RBFOX1: variants seen among roughly 807,000 people sequenced by gnomAD.
RBFOX1 encodes RNA binding fox-1 homolog 1.
A neutral mutation model predicts 57.7 loss-of-function variants in RBFOX1; 8 were observed. That is an observed-to-expected ratio of 0.14 (90% CI 0.08 to 0.25). The LOEUF is 0.25. RBFOX1 is among the 10% of genes least tolerant of loss of function. The pLI is 1.00. For synonymous variants in RBFOX1, 326 were observed against 222.4 expected (o/e 1.47, Z -4.15); for missense variants, 611 against 548.5 (o/e 1.11, Z -1.14).
intron 4 of RBFOX1, among the ~76,000 whole-genome samples, chr16:7,080,127 G>A (rs924031880): frequency 4.7e-5 from 7 of 148,134 alleles, no homozygotes; most frequent in Non-Finnish European, 7.4e-5. Context: ...AAAAAGACTA[G>A]TATACTTTAC....
intron 4 of RBFOX1, among the ~76,000 whole-genome samples, chr16:7,258,820 T>C (rs1357998779): frequency 3.3e-5 from 5 of 152,286 alleles, no homozygotes; most frequent in Non-Finnish European, 7.4e-5. Flanking sequence ...TGTCATTTCA[T>C]GCTTTGAATT....
chr16:6,465,819 C>G (rs953629346), intron 2 of RBFOX1, among the ~76,000 whole-genome samples: 2 of 148,426 alleles, frequency 1.3e-5, no homozygotes, highest in Non-Finnish European at 3.0e-5. Flanking sequence ...TTGATTTAGG[C>G]TACAGTTTAC....
intron 2 of RBFOX1, among the ~76,000 whole-genome samples, chr16:5,524,021 A>G (rs7191289): frequency 0.044 from 6,726 of 152,258 alleles, 510 homozygotes; most frequent in African/African-American, 0.15. Flanking sequence ...AAAGCTAGAT[A>G]ATCCGCCAGC....
At chr16:5,463,431 T>C (rs572516873) in intron 1 of RBFOX1, among the ~76,000 whole-genome samples, 1 of 152,100 alleles carries the variant, frequency 6.6e-6, no homozygotes, top group South Asian at 2.1e-4. Context: ...AGTTTCTAAA[T>C]GAAAAAATAA....
chr16:6,918,085 G>A (rs1305794282), intron 3 of RBFOX1, among the ~76,000 whole-genome samples: 3 of 152,078 alleles, frequency 2.0e-5, no homozygotes, highest in Non-Finnish European at 2.9e-5. Context: ...TCAGGAGTTC[G>A]AGACCAGCCT....
At chr16:6,813,141 C>T (rs752125627) in intron 3 of RBFOX1, among the ~76,000 whole-genome samples, 1 of 151,712 alleles carries the variant, frequency 6.6e-6, no homozygotes, top group African/African-American at 2.4e-5. Flanking sequence ...TCAGGCCTCA[C>T]CTTTGTATGG....
rs1491107829 is a variant in RBFOX1 at position 6,806,837 on chromosome 16, T to TATATATATATATATA, written c.-16+152187_-16+152188insATATATATATATATA. The stretch of plus-strand genomic sequence containing the variant: ...ATATAAATATATATATATATATATA[T>TATATATATATATATA]TTTTTTTTTTTTTTGAGAGAAAGTC... On this transcript the variant is annotated intron_variant, in intron 3 of 15. Coordinates refer to ENST00000550418, the MANE Select transcript of RBFOX1 (RefSeq NM_018723.4). Among the ~76,000 whole-genome samples the TATATATATATATATA allele has an allele frequency of 8.2e-3, 559 of 68,348 alleles. 1 individual carries two copies. Among genetic ancestry groups the TATATATATATATATA allele is most frequent in the Non-Finnish European group, 0.012 (402 of 34,354 alleles). The allele number at this position is 68,348 out of a possible 152,430, so 44.8% of individuals were successfully genotyped here. A position where few individuals can be genotyped will look rare whatever the true frequency, so the allele number is the denominator to read the frequency against.
intron 3 of RBFOX1, among the ~76,000 whole-genome samples, chr16:7,007,233 C>A (rs1470799241): frequency 6.6e-6 from 1 of 152,166 alleles, no homozygotes; most frequent in African/African-American, 2.4e-5. Flanking sequence ...AAGGGCTTCT[C>A]TTAGATCCTG....
At chr16:7,147,684 G>T (rs1462129038) in intron 4 of RBFOX1, among the ~76,000 whole-genome samples, 2 of 152,128 alleles carry the variant, frequency 1.3e-5, no homozygotes, top group African/African-American at 4.8e-5. Context: ...ATTCCATGTT[G>T]TGTATGGACC....
intron 1 of RBFOX1, among the ~76,000 whole-genome samples, chr16:5,244,677 G>C (rs1216020485): frequency 6.6e-6 from 1 of 152,258 alleles, no homozygotes; most frequent in Non-Finnish European, 1.5e-5. Context: ...TGGCGCTCTT[G>C]TAATTTGTGA....
intron 4 of RBFOX1, among the ~76,000 whole-genome samples, chr16:7,263,976 A>G (rs2153080905): frequency 6.6e-6 from 1 of 152,040 alleles, no homozygotes; most frequent in Non-Finnish European, 1.5e-5. Flanking sequence ...AAGGAGAAAC[A>G]AAACACAGAA....
chr16:7,513,385 C>T (rs1165068988), intron 4 of RBFOX1, among the ~76,000 whole-genome samples: 1 of 152,210 alleles, frequency 6.6e-6, no homozygotes, highest in East Asian at 1.9e-4. Flanking sequence ...CTAACAACTA[C>T]CTGTGACTGT....
intron 3 of RBFOX1, among the ~76,000 whole-genome samples, chr16:5,677,367 A>G (rs554029383): frequency 6.6e-6 from 1 of 152,372 alleles, no homozygotes; most frequent in South Asian, 2.1e-4. Flanking sequence ...AGTAAGGGCT[A>G]GTAAGAGATA....
chr16:5,705,161 T>C (rs1315996095), intron 3 of RBFOX1, among the ~76,000 whole-genome samples: 1 of 152,236 alleles, frequency 6.6e-6, no homozygotes, highest in East Asian at 1.9e-4. Context: ...CTTTGATCTT[T>C]GTCCTTGAAG....
At chr16:5,277,165 A>ATGGAGT (rs1370697764) in intron 1 of RBFOX1, among the ~76,000 whole-genome samples, 1 of 152,158 alleles carries the variant, frequency 6.6e-6, no homozygotes, top group Non-Finnish European at 1.5e-5. Flanking sequence ...AGCAACCTGG[A>ATGGAGT]TGGAGTTGGA....
chr16:6,467,692 C>A (rs571886937), intron 2 of RBFOX1, among the ~76,000 whole-genome samples: 1 of 152,176 alleles, frequency 6.6e-6, no homozygotes, highest in East Asian at 1.9e-4. Context: ...CTGCAGTCAT[C>A]CTGTGTGATA....
chr16:6,779,340 C>T (rs1030624912), intron 3 of RBFOX1, among the ~76,000 whole-genome samples: 1 of 151,988 alleles, frequency 6.6e-6, no homozygotes, highest in Admixed American at 6.6e-5. Flanking sequence ...TTTGAAATGA[C>T]AGGATGTCAT....
intron 2 of RBFOX1, among the ~76,000 whole-genome samples, chr16:6,582,087 T>G: frequency 6.6e-6 from 1 of 152,092 alleles, no homozygotes. Context: ...AACAAAGAAT[T>G]ATTGGGTTCA....
chr16:7,547,804 G>A (rs2085027566), intron 5 of RBFOX1, among the ~76,000 whole-genome samples: 1 of 152,248 alleles, frequency 6.6e-6, no homozygotes, highest in Non-Finnish European at 1.5e-5. Context: ...GCATGAAGGT[G>A]AAACCTGTTT....
Sources: allele counts gnomAD v4.1 joint callset (sites outside exome capture counted in the v4.1 genomes callset), GRCh38; gene constraint gnomAD v4.1.1; transcripts MANE v1.5; gene names NCBI Gene and HGNC (gene_info 2026-07-23, HGNC 2026-07-21).